Variants in DLGAP4 observed in about 807,000 individuals in gnomAD.
The protein encoded by DLGAP4 is DLG associated protein 4, also known as disks large-associated protein 4.
A neutral mutation model predicts 86.9 loss-of-function variants in DLGAP4; 18 were observed. That is an observed-to-expected ratio of 0.21 (90% CI 0.14 to 0.31). The LOEUF is 0.31. Ranked by LOEUF, DLGAP4 falls within the 10% of genes least tolerant of loss-of-function variation. DLGAP4 has a pLI of 1.00. For synonymous variants in DLGAP4, 548 were observed against 574.3 expected (o/e 0.95, Z 0.65); for missense variants, 1,085 against 1,362.6 (o/e 0.80, Z 3.21).
At chr20:36,346,639 G>C (rs2029949903) in intron 1 of DLGAP4, among the ~76,000 whole-genome samples, 1 of 152,126 alleles carries the variant, frequency 6.6e-6, no homozygotes, top group Non-Finnish European at 1.5e-5. Context: ...TCAAAGACTT[G>C]GAATGCTACA....
intron 7 of DLGAP4, among the ~76,000 whole-genome samples, chr20:36,484,415 C>T (rs1569515398): frequency 6.6e-6 from 1 of 152,226 alleles, no homozygotes; most frequent in Non-Finnish European, 1.5e-5. Flanking sequence ...TTGACCCCAA[C>T]TGGGGAGTGA....
chr20:36,484,339 G>T (rs1298165195), intron 7 of DLGAP4, among the ~76,000 whole-genome samples: 1 of 152,218 alleles, frequency 6.6e-6, no homozygotes, highest in Non-Finnish European at 1.5e-5. Flanking sequence ...GTGCCTAGAA[G>T]CATCGCTTAA....
At chr20:36,429,635 G>C (rs954291588) in intron 2 of DLGAP4, among the ~76,000 whole-genome samples, 5 of 151,642 alleles carry the variant, frequency 3.3e-5, no homozygotes, top group Non-Finnish European at 7.4e-5. Context: ...TCAAACTCCT[G>C]ATCTCAAGTG....
chr20:36,410,110 C>A (rs1218159821), intron 2 of DLGAP4, among the ~76,000 whole-genome samples: 1 of 152,048 alleles, frequency 6.6e-6, no homozygotes, highest in African/African-American at 2.4e-5. Context: ...TATTGGGTAC[C>A]CTTCCACTGA....
chr20:36,366,046 G>A (rs922005802), intron 1 of DLGAP4, among the ~76,000 whole-genome samples: 1 of 152,210 alleles, frequency 6.6e-6, no homozygotes, highest in African/African-American at 2.4e-5. Context: ...AGGCTTCTGG[G>A]AGGGGTGTGG....
At chr20:36,307,615 G>T (rs575426832) in intron 1 of DLGAP4, among the ~76,000 whole-genome samples, 1 of 152,200 alleles carries the variant, frequency 6.6e-6, no homozygotes, top group Non-Finnish European at 1.5e-5. Context: ...TAAGCTTGGA[G>T]GGCAGCGCTG....
chr20:36,443,045 A>G (rs949082738), intron 6 of DLGAP4, among the ~76,000 whole-genome samples: 1 of 152,222 alleles, frequency 6.6e-6, no homozygotes, highest in Non-Finnish European at 1.5e-5. Flanking sequence ...GGGGCAAGAA[A>G]CAACTCCAGG....
intron 2 of DLGAP4, among the ~76,000 whole-genome samples, chr20:36,402,187 G>C (rs1435496124): frequency 6.6e-6 from 1 of 152,166 alleles, no homozygotes; most frequent in Non-Finnish European, 1.5e-5. Context: ...GGGCTCTACT[G>C]ATGGGAATAG....
chr20:36,330,488 T>TGGGA (rs2065256436), intron 1 of DLGAP4, among the ~76,000 whole-genome samples: 1 of 152,104 alleles, frequency 6.6e-6, no homozygotes, highest in East Asian at 1.9e-4. Flanking sequence ...TGCCTTAGTT[T>TGGGA]CCTCATCTGT....
At chr20:36,433,649 C>CTT (rs368854068) in intron 3 of DLGAP4, among the ~76,000 whole-genome samples, 1 of 141,946 alleles carries the variant, frequency 7.0e-6, no homozygotes, top group Non-Finnish European at 1.6e-5. Context: ...ATGAGTATTT[C>CTT]TTTTTTTTTT....
chr20:36,378,893 G>C (rs1289792743), intron 2 of DLGAP4, among the ~76,000 whole-genome samples: 1 of 152,132 alleles, frequency 6.6e-6, no homozygotes, highest in East Asian at 1.9e-4. Context: ...GCTTCATTCA[G>C]CACCTCCTGA....
chr20:36,509,249 C>G (rs529356673), intron 10 of DLGAP4, among the ~76,000 whole-genome samples: 2 of 152,202 alleles, frequency 1.3e-5, no homozygotes, highest in East Asian at 3.9e-4. Flanking sequence ...GTAGTGAGAC[C>G]TCATGTCTAC....
intron 2 of DLGAP4, among the ~76,000 whole-genome samples, chr20:36,376,957 G>C (rs762991975): frequency 3.3e-5 from 5 of 152,140 alleles, no homozygotes; most frequent in Non-Finnish European, 5.9e-5. Flanking sequence ...TGGTTACCAC[G>C]GTCCAGGGGC....
At chr20:36,376,287 C>T (rs187076909) in intron 2 of DLGAP4, among the ~76,000 whole-genome samples, 6 of 152,028 alleles carry the variant, frequency 3.9e-5, no homozygotes, top group African/African-American at 7.2e-5. Context: ...GTGGCCAACA[C>T]GGCGAAACCC....
chr20:36,381,991 T>C (rs1336861572), intron 2 of DLGAP4, among the ~76,000 whole-genome samples: 1 of 152,222 alleles, frequency 6.6e-6, no homozygotes, highest in Admixed American at 6.5e-5. Flanking sequence ...TGTCTGAGTC[T>C]GGCAGCTTGT....
chr20:36,477,589 T>C (rs1410930559), intron 7 of DLGAP4, among the ~76,000 whole-genome samples: 3 of 152,158 alleles, frequency 2.0e-5, no homozygotes, highest in African/African-American at 7.2e-5. Flanking sequence ...AGGCTGTGGA[T>C]CTGATCACAG....
chr20:36,388,443 G>A (rs1334309049), intron 2 of DLGAP4, among the ~76,000 whole-genome samples: 5 of 151,832 alleles, frequency 3.3e-5, no homozygotes, highest in African/African-American at 7.3e-5. Context: ...TCCCTCCCCC[G>A]TGGCCCACCC....
At chr20:36,460,552 G>T (rs530672132) in intron 7 of DLGAP4, among the ~76,000 whole-genome samples, 1 of 152,284 alleles carries the variant, frequency 6.6e-6, no homozygotes, top group South Asian at 2.1e-4. Flanking sequence ...AAACAGATGC[G>T]AGAAAGGAAA....
In DLGAP4 at chr20:36,330,302, G is replaced by A. The variant is rs529647062; in HGVS notation, c.-304+23790G>A. Among the ~76,000 whole-genome samples the A allele has an allele frequency of 1.7e-3, 256 of 152,246 alleles. 1 individual carries two copies. The highest frequency in any genetic ancestry group is 0.01 in the Middle Eastern group (3 of 294). ...CATATTGGTGGGGGCTCCAACTATC[G>A]TGGTGGGGGCGGCAGGACTGGAGAA... On this transcript the variant is annotated intron_variant, in intron 1 of 12. Transcript: ENST00000339266.
Sources: gnomAD v4.1 joint callset for allele counts (sites outside exome capture counted in the v4.1 genomes callset) on GRCh38, gnomAD v4.1.1 for gene constraint, MANE v1.5 for transcripts, NCBI Gene and HGNC (gene_info 2026-07-23, HGNC 2026-07-21) for gene names.